Variants in ZFPM2 observed in about 807,000 individuals in gnomAD.
ZFPM2 encodes zinc finger protein, FOG family member 2.
ZFPM2 carries 20 observed loss-of-function variants against 98.6 expected under a neutral mutation model. The ratio of observed to expected loss-of-function variants is 0.20; its 90% CI spans 0.14 to 0.29. The LOEUF is 0.29. Among genes scored for constraint, ZFPM2 ranks in the 10% least tolerant of loss-of-function variants. The pLI, the probability that ZFPM2 is intolerant of heterozygous loss-of-function variation, is 1.00. For synonymous variants in ZFPM2, 518 were observed against 502.7 expected, an observed-to-expected ratio of 1.03 and a Z score of -0.41; for missense variants, 1,310 against 1,388.6, an observed-to-expected ratio of 0.94 and a Z score of 0.90.
intron 5 of ZFPM2, among the ~76,000 whole-genome samples, chr8:105,720,875 A>G (rs572628178): frequency 2.0e-5 from 3 of 152,078 alleles, no homozygotes; most frequent in South Asian, 4.1e-4. Context: ...GATGCATCCT[A>G]GAACAGTCCC....
intron 5 of ZFPM2, among the ~76,000 whole-genome samples, chr8:105,708,802 G>A (rs72673801): frequency 6.6e-6 from 1 of 152,116 alleles, no homozygotes; most frequent in Non-Finnish European, 1.5e-5. Flanking sequence ...CATTGAGTAG[G>A]AAGAATACAA....
intron 1 of ZFPM2, among the ~76,000 whole-genome samples, chr8:105,402,488 G>A (rs68186805): frequency 0.34 from 51,139 of 151,642 alleles, 10,179 homozygotes; most frequent in African/African-American, 0.56. Flanking sequence ...TTATCTAATT[G>A]TCAAAATCAA....
chr8:105,440,841 C>T (rs1264421469), intron 2 of ZFPM2, among the ~76,000 whole-genome samples: 5 of 152,238 alleles, frequency 3.3e-5, no homozygotes, highest in Middle Eastern at 6.8e-3. Flanking sequence ...TCAGTGCCTC[C>T]GGTGGCTGAA....
intron 1 of ZFPM2, among the ~76,000 whole-genome samples, chr8:105,406,800 A>G (rs1811468001): frequency 6.6e-6 from 1 of 152,038 alleles, no homozygotes; most frequent in Non-Finnish European, 1.5e-5. Context: ...GTTAATGTAC[A>G]TAGGGGAGGC....
chr8:105,669,536 A>ATTTGTGTG (rs72404384), intron 5 of ZFPM2, among the ~76,000 whole-genome samples: 5 of 139,058 alleles, frequency 3.6e-5, no homozygotes, highest in African/African-American at 1.4e-4. Flanking sequence ...GAAAGTGTGC[A>ATTTGTGTG]TGTGTGTGTG....
chr8:105,348,074 A>G (rs1389622233), intron 1 of ZFPM2, among the ~76,000 whole-genome samples: 1 of 152,170 alleles, frequency 6.6e-6, no homozygotes, highest in Non-Finnish European at 1.5e-5. Flanking sequence ...AAATCGACTG[A>G]TAGAAGCAAG....
chr8:105,458,327 A>G (rs990725587), intron 3 of ZFPM2, among the ~76,000 whole-genome samples: 2 of 152,216 alleles, frequency 1.3e-5, no homozygotes, highest in African/African-American at 4.8e-5. Context: ...ACAAAGAATC[A>G]AAGATTCCTT....
At chr8:105,520,656 G>T (rs1328477631) in intron 3 of ZFPM2, among the ~76,000 whole-genome samples, 1 of 152,026 alleles carries the variant, frequency 6.6e-6, no homozygotes, top group Non-Finnish European at 1.5e-5. Flanking sequence ...AAGCATTGTC[G>T]TAGAGGAACA....
chr8:105,720,225 C>T (rs1811628335), intron 5 of ZFPM2, among the ~76,000 whole-genome samples: 1 of 151,826 alleles, frequency 6.6e-6, no homozygotes, highest in Non-Finnish European at 1.5e-5. Flanking sequence ...TACGATTCTG[C>T]TCATGTCCTT....
chr8:105,776,773 TAAGTG>T (rs1164240261), intron 5 of ZFPM2, among the ~76,000 whole-genome samples: 1 of 152,174 alleles, frequency 6.6e-6, no homozygotes, highest in Non-Finnish European at 1.5e-5. Context: ...GAAAACTTAC[TAAGTG>T]AATAGGGAAC....
chr8:105,600,386 T>A lies in ZFPM2; in HGVS notation c.421-33860T>A, dbSNP rs190705094. Reference sequence around the variant, plus strand: ...AACCAAGAGAAAGATTATTTTTGAGTAAGGAAAACTGCATATGTATAAAAA... The same window carrying A: ...AACCAAGAGAAAGATTATTTTTGAGAAAGGAAAACTGCATATGTATAAAAA... On this transcript the variant is annotated intron_variant, in intron 4 of 7. Coordinates refer to ENST00000407775, the MANE Select transcript of ZFPM2 (RefSeq NM_012082.4). Among the ~76,000 whole-genome samples, 283 of 152,232 alleles carry A rather than the reference T, an allele frequency of 1.9e-3. 3 individuals carry two copies. The highest frequency in any genetic ancestry group is 2.1e-3 in the Non-Finnish European group (145 of 67,996).
chr8:105,523,601 G>C (rs1586434660), intron 3 of ZFPM2, among the ~76,000 whole-genome samples: 2 of 152,182 alleles, frequency 1.3e-5, no homozygotes, highest in African/African-American at 2.4e-5. Context: ...CTCTGAAAGA[G>C]TAATTTCTTC....
intron 5 of ZFPM2, among the ~76,000 whole-genome samples, chr8:105,750,297 CT>C (rs1213261702): frequency 6.6e-6 from 1 of 151,960 alleles, no homozygotes. Context: ...ATAGTTGTTT[CT>C]GCAACAAGCC....
intron 5 of ZFPM2, among the ~76,000 whole-genome samples, chr8:105,667,410 A>G (rs968614745): frequency 1.3e-4 from 20 of 152,338 alleles, no homozygotes; most frequent in Non-Finnish European, 2.6e-4. Context: ...ACACTTCAAA[A>G]TTGTGCGTAG....
chr8:105,484,634 A>T (rs1002496792), intron 3 of ZFPM2, among the ~76,000 whole-genome samples: 2 of 152,204 alleles, frequency 1.3e-5, no homozygotes, highest in African/African-American at 4.8e-5. Flanking sequence ...ATAGTGCCAC[A>T]CTGCCTGACA....
intron 5 of ZFPM2, among the ~76,000 whole-genome samples, chr8:105,691,742 T>C (rs1461967501): frequency 1.3e-5 from 2 of 152,212 alleles, no homozygotes; most frequent in Non-Finnish European, 2.9e-5. Flanking sequence ...CCTGTGAGGG[T>C]AGTGATTTGA....
chr8:105,686,555 T>C (rs1810740065), intron 5 of ZFPM2, among the ~76,000 whole-genome samples: 1 of 152,142 alleles, frequency 6.6e-6, no homozygotes, highest in Non-Finnish European at 1.5e-5. Context: ...GTAGGAAATA[T>C]AATTATTTCT....
chr8:105,439,215 T>C lies in ZFPM2; in HGVS notation c.200-5065T>C, dbSNP rs1242846245. 2.0e-5 allele frequency among the ~76,000 whole-genome samples: 3 copies of C among 152,168 alleles called. No individual in the cohort carries two copies. The East Asian group carries it at 5.8e-4, about 29-fold the overall frequency. ...ATATAAAATAACTTCTCTAAGTGGT[T>C]CTGCTTAGATTTTATTCTCTGTTAT... On this transcript the variant is annotated intron_variant, in intron 2 of 7. Coordinates refer to ENST00000407775, the MANE Select transcript of ZFPM2 (RefSeq NM_012082.4).
At chr8:105,741,123 A>C (rs1288962221) in intron 5 of ZFPM2, among the ~76,000 whole-genome samples, 1 of 152,052 alleles carries the variant, frequency 6.6e-6, no homozygotes, top group Non-Finnish European at 1.5e-5. Context: ...GCAGTCAGTG[A>C]AGGTAGAAGG....
Sources: allele counts gnomAD v4.1 joint callset (sites outside exome capture counted in the v4.1 genomes callset), GRCh38; gene constraint gnomAD v4.1.1; transcripts MANE v1.5; gene names NCBI Gene and HGNC (gene_info 2026-07-23, HGNC 2026-07-21).